The following SEPTIN6 variants were observed in gnomAD, a reference collection of about 807,000 sequenced individuals.
SEPTIN6 encodes the protein septin 6.
Under a neutral mutation model 33.6 loss-of-function variants are expected in SEPTIN6, and 8 were observed. That is an observed-to-expected ratio of 0.24 (90% confidence interval 0.14 to 0.43). The LOEUF (loss-of-function observed/expected upper bound fraction) is 0.43. Among genes scored for constraint, SEPTIN6 ranks in the 20% least tolerant of loss-of-function variants. SEPTIN6 has a pLI of 1.00. For synonymous variants in SEPTIN6, 131 were observed against 140.0 expected, an observed-to-expected ratio of 0.94 and a Z score of 0.45; for missense variants, 250 against 340.8, an observed-to-expected ratio of 0.73 and a Z score of 2.10.
At chrX:119,641,694 G>A (rs1044517022) in intron 5 of SEPTIN6, among the ~76,000 whole-genome samples, 5 of 111,866 alleles carry the variant, frequency 4.5e-5, no homozygotes, top group African/African-American at 1.3e-4. Flanking sequence ...GAGCTGCCCC[G>A]ACTTGGCAGT....
intron 2 of SEPTIN6, among the ~76,000 whole-genome samples, chrX:119,668,484 C>G (rs1178851078): frequency 8.9e-6 from 1 of 112,304 alleles, no homozygotes; most frequent in Non-Finnish European, 1.9e-5. Context: ...CTATTGTTTA[C>G]AGACACTGCT....
chrX:119,621,945 T>C (rs1054864825), intron 10 of SEPTIN6, among the ~76,000 whole-genome samples: 1 of 110,909 alleles, frequency 9.0e-6, no homozygotes, highest in Non-Finnish European at 1.9e-5. Context: ...AGCTTCCATT[T>C]ACTCATCTTG....
chrX:119,666,287 A>T (rs1475075806), intron 2 of SEPTIN6, among the ~76,000 whole-genome samples: 2 of 111,658 alleles, frequency 1.8e-5, no homozygotes, highest in Admixed American at 1.9e-4. Context: ...GCATTGGGCA[A>T]ATTGTGGCCT....
chrX:119,642,640 C>A (rs1284945668), intron 5 of SEPTIN6, among the ~76,000 whole-genome samples: 2 of 111,561 alleles, frequency 1.8e-5, no homozygotes, highest in Non-Finnish European at 1.9e-5. Flanking sequence ...TTCAGGGAAA[C>A]CCACAGCAAA....
chrX:119,624,144 G>GTTTTTTTTTTTTTTTTT, intron 10 of SEPTIN6: 1 of 211,640 alleles, frequency 4.7e-6, no homozygotes. Flanking sequence ...TTTATTATGG[G>GTTTTTTTTTTTTTTTTT]TTTTTTTTTT....
At chrX:119,631,768 A>T (rs772669153) in intron 8 of SEPTIN6, among the ~76,000 whole-genome samples, 7 of 100,928 alleles carry the variant, frequency 6.9e-5, no homozygotes, top group South Asian at 4.3e-4. Flanking sequence ...ATTTGTAATT[A>T]TTTTTTTTTT....
At position 119,692,971 on chromosome X, in the gene SEPTIN6, G is replaced by A. The variant is rs2147681162; in HGVS notation, c.30+105C>T. The A allele has an allele frequency of 8.1e-6, 7 of 867,301 alleles. No homozygotes were observed. The South Asian group carries it at 1.1e-4, about 13-fold the overall frequency. The allele number at this position is 867,301 out of a possible 1,213,427, so 71.5% of individuals were successfully genotyped here. A position where few individuals can be genotyped will look rare whatever the true frequency, so the allele number is the denominator to read the frequency against. On this transcript the variant is annotated intron_variant, in intron 1 of 10. Coordinates refer to ENST00000394610, the MANE Select transcript of SEPTIN6 (RefSeq NM_145799.4). Reference sequence around the variant, plus strand: ...AAGTCCCACCGTGCCCTTGGCTCCTGGATGCTGCCCACTGCCCTCCTCGCG... The same window carrying A: ...AAGTCCCACCGTGCCCTTGGCTCCTAGATGCTGCCCACTGCCCTCCTCGCG...
At chrX:119,673,459 T>C (rs2054782410) in intron 2 of SEPTIN6, among the ~76,000 whole-genome samples, 1 of 111,397 alleles carries the variant, frequency 9.0e-6, no homozygotes. Context: ...TGTTCTCTAC[T>C]TGTCCTTGAA....
At chrX:119,690,723 CAAAAAAAAAAA>C (rs772333455) in intron 1 of SEPTIN6, among the ~76,000 whole-genome samples, 34 of 23,038 alleles carry the variant, frequency 1.5e-3, no homozygotes, top group African/African-American at 4.3e-3. Flanking sequence ...GACTCCGTCT[CAAAAAAAAAAA>C]AAAAAAAAAA....
intron 4 of SEPTIN6, 133 bp from the exon 5 acceptor site, chrX:119,650,231 A>G (rs990484044): frequency 3.6e-6 from 2 of 558,793 alleles, no homozygotes; most frequent in Non-Finnish European, 5.8e-6. Context: ...TTCTGTAGCC[A>G]AATGACAATA....
At chrX:119,691,082 A>C (rs1266298075) in intron 1 of SEPTIN6, among the ~76,000 whole-genome samples, 4 of 111,551 alleles carry the variant, frequency 3.6e-5, no homozygotes, top group Non-Finnish European at 3.8e-5. Context: ...TTCATCATAC[A>C]GTATGGCAAG....
rs778990683 is a variant in SEPTIN6 at position 119,649,861 on chromosome X, AC to A, written c.690+75del. On this transcript the variant is annotated intron_variant, in intron 5 of 10. Coordinates refer to ENST00000394610, the MANE Select transcript of SEPTIN6 (RefSeq NM_145799.4). Reference sequence around the variant, plus strand: ...ACTCCAGCCTGGGCAACAGAGCAAGACCCTGTCTCTAAAGCACATTAAAATA... The same window carrying A: ...ACTCCAGCCTGGGCAACAGAGCAAGACCTGTCTCTAAAGCACATTAAAATA... 5 of 1,044,462 alleles carry A rather than the reference AC, an allele frequency of 4.8e-6. No homozygotes were observed. In the East Asian group the frequency reaches 9.2e-5, roughly 19 times the overall value. The allele number at this position is 1,044,462 out of a possible 1,213,427, so 86.1% of individuals were successfully genotyped here.
intron 2 of SEPTIN6, 47 bp from the exon 3 acceptor site, chrX:119,663,724 T>C (rs773424269): frequency 9.9e-6 from 10 of 1,010,896 alleles, no homozygotes; most frequent in Non-Finnish European, 1.4e-5. Context: ...TAGTGACTAT[T>C]CAGCCCTTAC....
chrX:119,620,913 A>C (rs2053747845), intron 10 of SEPTIN6, among the ~76,000 whole-genome samples: 1 of 110,508 alleles, frequency 9.0e-6, no homozygotes, highest in Non-Finnish European at 1.9e-5. Context: ...TGAGGCACTG[A>C]GCCCGGCCTA....
intron 5 of SEPTIN6, among the ~76,000 whole-genome samples, chrX:119,649,351 C>T (rs2054315402): frequency 9.4e-6 from 1 of 106,761 alleles, no homozygotes; most frequent in African/African-American, 3.4e-5. Context: ...GCCTCGGCCT[C>T]CAAAAGTGCT....
chrX:119,626,769 C>T (rs1213304003), intron 9 of SEPTIN6, among the ~76,000 whole-genome samples: 1 of 110,615 alleles, frequency 9.0e-6, no homozygotes, highest in Admixed American at 9.7e-5. Flanking sequence ...GTTCTGCAAC[C>T]TCCACCTCCC....
intron 2 of SEPTIN6, among the ~76,000 whole-genome samples, chrX:119,668,854 G>A (rs1464048693): frequency 9.0e-6 from 1 of 111,264 alleles, no homozygotes; most frequent in Non-Finnish European, 1.9e-5. Flanking sequence ...TTCTTTAGTG[G>A]TGATTTGTGA....
chrX:119,692,143 A>G lies in SEPTIN6; in HGVS notation c.30+933T>C, dbSNP rs1375168111. Reference sequence around the variant, plus strand: ...CCCAGAGTCGGTCGCCAACAAAAAAAGAGACGGCACCGCTTTTGCGAGTCT... The same window carrying G: ...CCCAGAGTCGGTCGCCAACAAAAAAGGAGACGGCACCGCTTTTGCGAGTCT... On this transcript the variant is annotated intron_variant, in intron 1 of 10. Transcript: ENST00000394610. 2.7e-5 allele frequency among the ~76,000 whole-genome samples: 3 copies of G among 110,456 alleles called. No individual in the cohort carries two copies. In the Admixed American group the frequency reaches 2.9e-4, roughly 11 times the overall value.
chrX:119,680,074 G>C (rs1053708056), intron 1 of SEPTIN6, among the ~76,000 whole-genome samples: 1 of 110,592 alleles, frequency 9.0e-6, no homozygotes, highest in Admixed American at 9.7e-5. Flanking sequence ...ACATTTATCA[G>C]ATTTTTTATT....
Sources: gnomAD v4.1 joint callset for allele counts (sites outside exome capture counted in the v4.1 genomes callset) on GRCh38, gnomAD v4.1.1 for gene constraint, MANE v1.5 for transcripts, NCBI Gene and HGNC (gene_info 2026-07-23, HGNC 2026-07-21) for gene names.